IFT140: variants seen among roughly 807,000 people sequenced by gnomAD.
IFT140 encodes intraflagellar transport protein 140 homolog.
Under a neutral mutation model 164.6 loss-of-function variants are expected in IFT140, and 133 were observed. The observed-to-expected ratio is 0.81, with a 90% confidence interval of 0.70 to 0.93. The LOEUF (loss-of-function observed/expected upper bound fraction) is 0.93. IFT140 is among the 40% of genes least tolerant of loss of function. The pLI is 0.00. For synonymous variants in IFT140, 860 were observed against 817.3 expected (o/e 1.05, Z -0.89); for missense variants, 2,045 against 1,972.3 (o/e 1.04, Z -0.70).
Position 1,587,974 on chromosome 16 carries a change from T to C in IFT140, c.861A>G (p.Glu287=). 6.2e-7 allele frequency: 1 copy of C among 1,613,808 alleles called. No homozygotes were observed. Among genetic ancestry groups the C allele is most frequent in the East Asian group, 2.2e-5 (1 of 44,884 alleles). ...CGACGGCCATCACGAGAAGGCTGCC[T>C]TCAATCAAAGCGATGTCTGCCCGGC... The part of the protein sequence containing the change: ...TGRRADIALI[E]GSLLVMAVGE... The change falls in exon 8 of 31, where the codon GAA becomes GAG. Residue 287 remains glutamate, a synonymous_variant. Transcript: ENST00000426508.
chr16:1,555,315 T>C (rs1242409202), intron 19 of IFT140: 2 of 427,998 alleles, frequency 4.7e-6, no homozygotes, highest in Non-Finnish European at 8.4e-6. Context: ...GAGACACAGG[T>C]TAGGTGGCGC....
chr16:1,546,282 GGGA>G (rs1364317747), intron 19 of IFT140, among the ~76,000 whole-genome samples: 1 of 152,202 alleles, frequency 6.6e-6, no homozygotes, highest in East Asian at 1.9e-4. Flanking sequence ...AGCCTAGGCC[GGGA>G]GGCTCCCTGG....
At chr16:1,607,318 C>A (rs750839248) in intron 2 of IFT140, 21 bp from the exon 3 acceptor site, 3 of 1,562,906 alleles carry the variant, frequency 1.9e-6, no homozygotes, top group South Asian at 1.2e-5. Flanking sequence ...AAAAAAATGA[C>A]CAAGTCCAAT....
rs537918504 is a variant in IFT140, at chr16:1,533,833, G to A, written c.2400-7037C>T. On this transcript the variant is annotated intron_variant, in intron 19 of 30. Transcript: ENST00000426508. The surrounding 1 kb of genome is among the most constrained non-coding windows in gnomAD (Gnocchi z 4.7). ...CCGCTCCACACCGGCCACCCTGCCC[G>A]GAGCCTGGCACTCACAGCAGGCCGG... 19 of 217,070 alleles carry A rather than the reference G, an allele frequency of 8.8e-5. No homozygotes were observed. The highest frequency in any genetic ancestry group is 1.8e-4 in the East Asian group (1 of 5,586). 13.4% of individuals were successfully genotyped at this position (217,070 alleles called of 1,614,324 possible). A position where few individuals can be genotyped will look rare whatever the true frequency, so the allele number is the denominator to read the frequency against.
chr16:1,513,849 A>AT (rs1228966603), intron 30 of IFT140, among the ~76,000 whole-genome samples: 3 of 144,930 alleles, frequency 2.1e-5, no homozygotes, highest in African/African-American at 7.9e-5. Context: ...AATTTTTTGT[A>AT]TTTTTAGTAG....
At chr16:1,525,455 C>T (rs1008137955) in intron 21 of IFT140, 129 bp from the exon 22 acceptor site, 5 of 717,222 alleles carry the variant, frequency 7.0e-6, no homozygotes, top group Admixed American at 4.1e-5. Flanking sequence ...TCCTGGCCTG[C>T]AGCTCTGCAG....
chr16:1,556,820 T>C (rs1192445965), intron 19 of IFT140, among the ~76,000 whole-genome samples: 1 of 152,192 alleles, frequency 6.6e-6, no homozygotes, highest in East Asian at 1.9e-4. Flanking sequence ...TTTTGTTTTG[T>C]TTTCTTTTGG....
intron 19 of IFT140, among the ~76,000 whole-genome samples, chr16:1,545,167 TGGAGGCCTTC>T (rs2032061668): frequency 6.6e-6 from 1 of 152,202 alleles, no homozygotes; most frequent in Non-Finnish European, 1.5e-5. Flanking sequence ...GGGACAGGGC[TGGAGGCCTTC>T]GGAGGCCTGT....
At chr16:1,537,155 G>A (rs1448928936) in intron 19 of IFT140, among the ~76,000 whole-genome samples, 4 of 152,212 alleles carry the variant, frequency 2.6e-5, no homozygotes, top group South Asian at 2.1e-4. Context: ...ATTCCATCCC[G>A]AGAACCAGTC....
intron 19 of IFT140, chr16:1,532,206 C>A (rs576981606): frequency 6.6e-6 from 1 of 152,316 alleles, no homozygotes; most frequent in Non-Finnish European, 1.5e-5. Context: ...CCCCGCACGC[C>A]CCGTCAGGTT....
At chr16:1,582,638 G>A (rs575948905) in intron 12 of IFT140, among the ~76,000 whole-genome samples, 12 of 152,374 alleles carry the variant, frequency 7.9e-5, no homozygotes, top group African/African-American at 2.6e-4. Context: ...GCGCGGAGGC[G>A]CACGCCTGTA....
chr16:1,539,133 G>A (rs999245109), intron 19 of IFT140, among the ~76,000 whole-genome samples: 2 of 142,698 alleles, frequency 1.4e-5, no homozygotes, highest in African/African-American at 2.6e-5. Flanking sequence ...AGTGCCAGAC[G>A]GCCCCACGCC....
rs772449315 is a variant in IFT140, at chr16:1,561,965, C to T, written c.2199+20G>A. 2.2e-5 allele frequency: 34 copies of T among 1,579,500 alleles called. No homozygotes were observed. The highest frequency in any genetic ancestry group is 1.4e-4 in the South Asian group (12 of 84,698). On this transcript the variant is annotated intron_variant, in intron 18 of 30. Coordinates refer to ENST00000426508, the MANE Select transcript of IFT140 (RefSeq NM_014714.4). ...GGGGAGAGATCAGAAGACACCTGTG[C>T]GGATGTCGTGGCTTCGTACCTTTCT... is the stretch of plus-strand genomic sequence containing the variant.
intron 12 of IFT140, among the ~76,000 whole-genome samples, chr16:1,581,851 T>G (rs1386903989): frequency 1.4e-5 from 2 of 147,678 alleles, no homozygotes; most frequent in Non-Finnish European, 3.0e-5. Context: ...GAAGTGTCGG[T>G]ACAATCCTGG....
intron 11 of IFT140, 41 bp downstream of exon 11, chr16:1,584,173 GTTC>G: frequency 1.3e-6 from 2 of 1,571,580 alleles, no homozygotes; most frequent in Non-Finnish European, 1.7e-6. Context: ...CCATGGGGCA[GTTC>G]TTCTGTCTGT....
chr16:1,562,138 T>C (rs1419942451), intron 17 of IFT140, 22 bp from the exon 18 acceptor site: 5 of 1,547,082 alleles, frequency 3.2e-6, no homozygotes, highest in Non-Finnish European at 4.3e-6. Context: ...AGAAAAGTAC[T>C]GTTCTGTTTT....
Position 1,588,013 on chromosome 16 carries a change from G to A in IFT140, c.822C>T (p.Ser274=), listed in dbSNP as rs200604057. Residue 274 remains serine, a synonymous_variant, in exon 8 of 31, where the codon AGC becomes AGT. Coordinates refer to ENST00000426508, the MANE Select transcript of IFT140 (RefSeq NM_014714.4). ...KAEEVMKVKL[S]GKTGRRADIA... ...TGTCTGCCCGGCGGCCGGTTTTCCC[G>A]CTCAGCTTGACCTGTGTGAGGAAAC... 5.1e-5 allele frequency: 82 copies of A among 1,613,564 alleles called. No homozygotes were observed. In the South Asian group the frequency reaches 6.0e-4, roughly 12 times the overall value.
At position 1,533,522 on chromosome 16, in the gene IFT140, T is replaced by TA. The variant is rs1275096417; in HGVS notation, c.2400-6727_2400-6726insT. The TA allele has an allele frequency of 6.6e-6, 1 of 152,268 alleles. No individual in the cohort carries two copies. The highest frequency in any genetic ancestry group is 6.5e-5 in the Admixed American group (1 of 15,274). The allele number at this position is 152,268 out of a possible 1,614,324, so 9.4% of individuals were successfully genotyped here. On this transcript the variant is annotated intron_variant, in intron 19 of 30. Transcript: ENST00000426508. This position sits in a 1 kb window ranked among gnomAD's most constrained non-coding sequence, Gnocchi z 4.7. The stretch of plus-strand genomic sequence containing the variant: ...GAAGATGGGGAGGGGCGGCAGGAGG[T>TA]GGGCCTGGAGCAGGGCCTCAGAAGT...
chr16:1,520,451 T>C, intron 27 of IFT140, 108 bp from the exon 28 acceptor site: 1 of 1,357,962 alleles, frequency 7.4e-7, no homozygotes, highest in Non-Finnish European at 1.0e-6. Flanking sequence ...GGCTGCCCGG[T>C]AGAGAGAGAT....
Sources: allele counts gnomAD v4.1 joint callset (sites outside exome capture counted in the v4.1 genomes callset), GRCh38; gene constraint gnomAD v4.1.1; non-coding constraint Gnocchi (gnomAD v3.1); transcripts MANE v1.5; gene names NCBI Gene and HGNC (gene_info 2026-07-23, HGNC 2026-07-21).